The following NUBPL variants were observed in gnomAD, a reference collection of about 807,000 sequenced individuals.
NUBPL encodes NUBP iron-sulfur cluster assembly factor, mitochondrial.
NUBPL carries 31 observed loss-of-function variants against 45.7 expected under a neutral mutation model. The observed-to-expected ratio is 0.68, with a 90% CI of 0.51 to 0.92. The LOEUF (loss-of-function observed/expected upper bound fraction) is 0.92, where lower values mean the gene tolerates loss of function less well. Ranked by LOEUF, NUBPL falls within the 40% of genes least tolerant of loss-of-function variation. NUBPL has a pLI of 0.00. For missense variants in NUBPL, 401 were observed against 398.7 expected (o/e 1.01, Z -0.05); for synonymous variants, 144 against 140.9 (o/e 1.02, Z -0.15).
intron 4 of NUBPL, among the ~76,000 whole-genome samples, chr14:31,649,506 CGCA>C (rs1175128361): frequency 2.0e-5 from 3 of 152,068 alleles, no homozygotes. Context: ...AAATGATATA[CGCA>C]ACAAGATTTG....
At chr14:31,604,196 A>C (rs900079276) in intron 4 of NUBPL, among the ~76,000 whole-genome samples, 59 of 137,818 alleles carry the variant, frequency 4.3e-4, no homozygotes, top group Non-Finnish European at 5.7e-4. Flanking sequence ...AAAAAAAAAA[A>C]CACTTTCTCT....
intron 10 of NUBPL, among the ~76,000 whole-genome samples, chr14:31,855,735 C>T (rs11621686): frequency 0.099 from 14,961 of 151,740 alleles, 946 homozygotes; most frequent in Non-Finnish European, 0.14. Context: ...TGAAGACATG[C>T]GAAACACTCT....
At chr14:31,636,935 T>C (rs2035521187) in intron 4 of NUBPL, among the ~76,000 whole-genome samples, 1 of 152,212 alleles carries the variant, frequency 6.6e-6, no homozygotes, top group Admixed American at 6.5e-5. Context: ...TCAGTGGTGA[T>C]ATCCCATTTA....
At chr14:31,609,191 A>G (rs1271563763) in intron 4 of NUBPL, among the ~76,000 whole-genome samples, 3 of 152,190 alleles carry the variant, frequency 2.0e-5, no homozygotes, top group Non-Finnish European at 4.4e-5. Context: ...CATTTCACCT[A>G]TAAAGACACA....
chr14:31,679,996 T>G (rs749360923), intron 6 of NUBPL, among the ~76,000 whole-genome samples: 1 of 152,190 alleles, frequency 6.6e-6, no homozygotes, highest in Non-Finnish European at 1.5e-5. Context: ...TTGATCATCT[T>G]GTAAATTGAA....
intron 4 of NUBPL, among the ~76,000 whole-genome samples, chr14:31,602,933 C>A (rs538160161): frequency 3.9e-5 from 6 of 152,018 alleles, no homozygotes. Flanking sequence ...TTTTTAAATA[C>A]CTCTTTAATG....
At chr14:31,733,585 T>A (rs2038100602) in intron 6 of NUBPL, among the ~76,000 whole-genome samples, 1 of 152,228 alleles carries the variant, frequency 6.6e-6, no homozygotes, top group Non-Finnish European at 1.5e-5. Context: ...ATTTTATTTT[T>A]AATTATGTGT....
In NUBPL at chr14:31,750,342, ATT is replaced by A. The variant is rs34600958; in HGVS notation, c.514-37423_514-37422del. Among the ~76,000 whole-genome samples the A allele has an allele frequency of 3.9e-3, 531 of 136,642 alleles. 1 individual carries two copies. Among genetic ancestry groups the A allele is most frequent in the African/African-American group, 8.4e-3 (310 of 37,030 alleles). The allele number at this position is 136,642 out of a possible 152,430, so 89.6% of individuals were successfully genotyped here. On this transcript the variant is annotated intron_variant, in intron 6 of 10. Coordinates refer to ENST00000281081, the MANE Select transcript of NUBPL (RefSeq NM_025152.3). ...AGGCGCCCACCACCACGCCCGGCTA[ATT>A]TTTTTTTTTTTTTTAATTTTTATTT... is the stretch of plus-strand genomic sequence containing the variant.
At chr14:31,751,980 C>A (rs1273528498) in intron 6 of NUBPL, among the ~76,000 whole-genome samples, 1 of 152,184 alleles carries the variant, frequency 6.6e-6, no homozygotes, top group Non-Finnish European at 1.5e-5. Flanking sequence ...TGTACCTTGG[C>A]CTCTTTTAGC....
chr14:31,626,429 C>T (rs541030170), intron 4 of NUBPL, among the ~76,000 whole-genome samples: 36 of 152,330 alleles, frequency 2.4e-4, no homozygotes, highest in African/African-American at 7.2e-4. Flanking sequence ...CATGAGCCAC[C>T]GCACCTGGCC....
At position 31,859,398 on chromosome 14, in the gene NUBPL, G is replaced by T. The variant is rs770243224; in HGVS notation, c.*218G>T. 7.1e-6 allele frequency: 4 copies of T among 564,668 alleles called. No homozygotes were observed. The highest frequency in any genetic ancestry group is 1.3e-5 in the Non-Finnish European group (4 of 313,590). The allele number at this position is 564,668 out of a possible 1,614,324, so 35.0% of individuals were successfully genotyped here. A position where few individuals can be genotyped will look rare whatever the true frequency, so the allele number is the denominator to read the frequency against. ...TTAGGAATTTTTTGAAAGCTGGTGTGTACCACCTGCAAAGAACTGCATTTT... is the reference window on the plus strand; with the variant it reads ...TTAGGAATTTTTTGAAAGCTGGTGTTTACCACCTGCAAAGAACTGCATTTT... On this transcript the variant is annotated 3_prime_UTR_variant, in exon 11 of 11. Coordinates refer to ENST00000281081, the MANE Select transcript of NUBPL (RefSeq NM_025152.3).
chr14:31,837,653 G>C (rs909816268), intron 8 of NUBPL, among the ~76,000 whole-genome samples: 2 of 151,892 alleles, frequency 1.3e-5, no homozygotes, highest in African/African-American at 4.8e-5. Context: ...AACCAAAAAG[G>C]AATTGTATTT....
At chr14:31,673,696 G>A (rs991925697) in intron 6 of NUBPL, 122 bp downstream of exon 6, 36 of 825,054 alleles carry the variant, frequency 4.4e-5, no homozygotes, top group African/African-American at 1.9e-4. Flanking sequence ...TGTATAATGC[G>A]TAATATGGCA....
chr14:31,778,859 TC>T (rs2039142450), intron 6 of NUBPL, among the ~76,000 whole-genome samples: 1 of 152,146 alleles, frequency 6.6e-6, no homozygotes, highest in Admixed American at 6.5e-5. Flanking sequence ...GATACCAAAG[TC>T]ATGAACAACC....
At position 31,699,951 on chromosome 14, in the gene NUBPL, A is replaced by C. The variant is rs1263822429; in HGVS notation, c.513+26377A>C. ...TGTTCTTACCATAATGAAATTTTAA[A>C]ATGTTAAGTATGTGAGGTGATGAGT... On this transcript the variant is annotated intron_variant, in intron 6 of 10. Coordinates refer to ENST00000281081, the MANE Select transcript of NUBPL (RefSeq NM_025152.3). Among the ~76,000 whole-genome samples, 3 of 152,340 alleles carry C rather than the reference A, an allele frequency of 2.0e-5. No individual in the cohort carries two copies. In the East Asian group the frequency reaches 5.8e-4, roughly 29 times the overall value.
At chr14:31,841,549 A>AAT (rs35988767) in intron 8 of NUBPL, among the ~76,000 whole-genome samples, 48,098 of 151,792 alleles carry the variant, frequency 0.32, 7,778 homozygotes, top group East Asian at 0.48. Flanking sequence ...ATGTATGTGT[A>AAT]TTGTATATAC....
At chr14:31,724,390 T>G (rs1389186546) in intron 6 of NUBPL, among the ~76,000 whole-genome samples, 4 of 152,204 alleles carry the variant, frequency 2.6e-5, no homozygotes, top group Non-Finnish European at 5.9e-5. Flanking sequence ...CAAAGCCTTT[T>G]GAAGGCATTT....
chr14:31,646,878 T>C (rs1007326364), intron 4 of NUBPL, among the ~76,000 whole-genome samples: 1 of 152,132 alleles, frequency 6.6e-6, no homozygotes, highest in African/African-American at 2.4e-5. Flanking sequence ...TTCTATATCT[T>C]GTAGGCAATC....
intron 4 of NUBPL, chr14:31,654,200 C>A: frequency 2.7e-6 from 1 of 374,768 alleles, no homozygotes; most frequent in Admixed American, 2.8e-5. Context: ...ATACTGTAGT[C>A]CATGAAGTGT....
Sources: allele counts gnomAD v4.1 joint callset (sites outside exome capture counted in the v4.1 genomes callset), GRCh38; gene constraint gnomAD v4.1.1; transcripts MANE v1.5; gene names NCBI Gene and HGNC (gene_info 2026-07-23, HGNC 2026-07-21).